The following KIAA1549L variants were observed in gnomAD, a reference collection of about 807,000 sequenced individuals.
The protein encoded by KIAA1549L is KIAA1549 like, also known as UPF0606 protein KIAA1549L.
A neutral mutation model predicts 160.7 loss-of-function variants in KIAA1549L; 88 were observed. That is an observed-to-expected ratio of 0.55 (90% CI 0.46 to 0.65). KIAA1549L has a LOEUF of 0.65. KIAA1549L is among the 30% of genes least tolerant of loss of function. The pLI is 0.00. For synonymous variants in KIAA1549L, 950 were observed against 976.7 expected, an observed-to-expected ratio of 0.97 and a Z score of 0.51; for missense variants, 2,258 against 2,437.5, an observed-to-expected ratio of 0.93 and a Z score of 1.55.
At chr11:33,401,244 G>T (rs1850493491) in intron 1 of KIAA1549L, among the ~76,000 whole-genome samples, 1 of 146,638 alleles carries the variant, frequency 6.8e-6, no homozygotes, top group African/African-American at 2.5e-5. Context: ...TATTAATATA[G>T]TATATATAAA....
At chr11:33,624,814 T>A (rs552902100) in intron 16 of KIAA1549L, among the ~76,000 whole-genome samples, 173 of 151,812 alleles carry the variant, frequency 1.1e-3, no homozygotes, top group African/African-American at 4.0e-3. Flanking sequence ...ATGTGCAGGT[T>A]AGATACATAT....
intron 1 of KIAA1549L, among the ~76,000 whole-genome samples, chr11:33,444,070 G>T (rs148497424): frequency 1.7e-3 from 258 of 152,184 alleles, no homozygotes; most frequent in African/African-American, 5.8e-3. Context: ...GCACTACCTG[G>T]GTTATTGAAC....
chr11:33,578,788 G>C (rs7102647), intron 10 of KIAA1549L, among the ~76,000 whole-genome samples: 57,055 of 152,008 alleles, frequency 0.38, 13,686 homozygotes, highest in African/African-American at 0.69. Context: ...CTTCCTTGGC[G>C]CCTGAGGCAC....
intron 13 of KIAA1549L, among the ~76,000 whole-genome samples, chr11:33,600,800 G>T (rs1379901244): frequency 4.6e-5 from 7 of 152,136 alleles, no homozygotes; most frequent in Non-Finnish European, 8.8e-5. Flanking sequence ...ATTGTTCTAT[G>T]CCCTTTCTCT....
chr11:33,416,175 T>C (rs1850885430), intron 1 of KIAA1549L, among the ~76,000 whole-genome samples: 1 of 152,184 alleles, frequency 6.6e-6, no homozygotes, highest in Admixed American at 6.5e-5. Context: ...CCATGTGATG[T>C]GTCACCGCCT....
intron 1 of KIAA1549L, among the ~76,000 whole-genome samples, chr11:33,490,646 C>A (rs2756282): frequency 0.7 from 106,787 of 152,000 alleles, 38,079 homozygotes; most frequent in African/African-American, 0.83. Context: ...TTCTACATCC[C>A]TATAAATTAA....
rs770141387 is a variant in KIAA1549L at position 33,544,870 on chromosome 11, G to A, written c.2877G>A (p.Lys959=). 3.7e-6 allele frequency: 6 copies of A among 1,613,456 alleles called. No homozygotes were observed. The African/African-American group carries it at 8.0e-5, about 22-fold the overall frequency. Residue 959 remains lysine (K), a synonymous_variant, in exon 3 of 21, where the codon AAG becomes AAA. Transcript: ENST00000658780. ...PPALSAALVA[K]GTSSSPLAVA... ...CACTGTCTGCAGCCCTGGTTGCTAA[G>A]GGCACCAGCAGCAGCCCTTTGGCCG... is the stretch of plus-strand genomic sequence containing the variant.
chr11:33,421,147 A>G (rs1178144823), intron 1 of KIAA1549L, among the ~76,000 whole-genome samples: 1 of 151,980 alleles, frequency 6.6e-6, no homozygotes, highest in Non-Finnish European at 1.5e-5. Context: ...CATCACAGGC[A>G]CAGAAAGCCC....
At chr11:33,479,078 A>G (rs778597003) in intron 1 of KIAA1549L, among the ~76,000 whole-genome samples, 1 of 39,610 alleles carries the variant, frequency 2.5e-5, no homozygotes, top group Non-Finnish European at 4.7e-5. Context: ...ACAGATCTGC[A>G]TATCTTCAGA....
intron 12 of KIAA1549L, among the ~76,000 whole-genome samples, chr11:33,592,518 C>A (rs1391885873): frequency 6.6e-6 from 1 of 152,136 alleles, no homozygotes; most frequent in Non-Finnish European, 1.5e-5. Flanking sequence ...AAAACTACAT[C>A]ATCCATGTCT....
chr11:33,409,668 C>T lies in KIAA1549L; in HGVS notation c.238+32779C>T, dbSNP rs1204102898. On this transcript the variant is annotated intron_variant, in intron 1 of 20. Transcript: ENST00000658780. ...TCATTTATTCTTTTTCTTTGGAAAACACCCTTTTGAATGACTTCATTTGAT... is the reference window on the plus strand; with the variant it reads ...TCATTTATTCTTTTTCTTTGGAAAATACCCTTTTGAATGACTTCATTTGAT... 4.6e-5 allele frequency among the ~76,000 whole-genome samples: 7 copies of T among 152,130 alleles called. No homozygotes were observed. The Middle Eastern group carries it at 0.01, about 222-fold the overall frequency.
At chr11:33,624,777 C>CTT (rs1269234836) in intron 16 of KIAA1549L, among the ~76,000 whole-genome samples, 2 of 139,846 alleles carry the variant, frequency 1.4e-5, no homozygotes, top group Non-Finnish European at 3.1e-5. Flanking sequence ...TATTATTATA[C>CTT]TTTAAGTTTT....
chr11:33,532,163 T>C (rs1245404048), intron 1 of KIAA1549L, among the ~76,000 whole-genome samples: 1 of 152,206 alleles, frequency 6.6e-6, no homozygotes, highest in Non-Finnish European at 1.5e-5. Flanking sequence ...TCTGGTTTCC[T>C]CATTGGTAAA....
chr11:33,405,220 G>C (rs186630390), intron 1 of KIAA1549L, among the ~76,000 whole-genome samples: 1 of 152,192 alleles, frequency 6.6e-6, no homozygotes, highest in Admixed American at 6.5e-5. Flanking sequence ...CAGAAAAGGG[G>C]AGTGAGAAAT....
At chr11:33,551,659 A>G (rs1272770189) in intron 5 of KIAA1549L, among the ~76,000 whole-genome samples, 1 of 152,130 alleles carries the variant, frequency 6.6e-6, no homozygotes, top group East Asian at 1.9e-4. Context: ...GTCTTCGAAT[A>G]TATTTTTTTC....
chr11:33,552,314 G>C, intron 6 of KIAA1549L, 73 bp downstream of exon 6: 1 of 1,499,914 alleles, frequency 6.7e-7, no homozygotes, highest in Non-Finnish European at 9.0e-7. Context: ...GAAATGACTT[G>C]GGTCTTCCCT....
chr11:33,520,366 T>C (rs1270866456), intron 1 of KIAA1549L, among the ~76,000 whole-genome samples: 1 of 152,086 alleles, frequency 6.6e-6, no homozygotes, highest in Non-Finnish European at 1.5e-5. Context: ...ATTGCACATA[T>C]AAGTGAGCTT....
chr11:33,653,403 A>G (rs1289102283), intron 17 of KIAA1549L, among the ~76,000 whole-genome samples: 1 of 152,188 alleles, frequency 6.6e-6, no homozygotes, highest in Non-Finnish European at 1.5e-5. Flanking sequence ...AGTATTGCTG[A>G]CACACTTCTA....
chr11:33,564,959 C>T (rs73490854), intron 8 of KIAA1549L, among the ~76,000 whole-genome samples: 3,944 of 152,260 alleles, frequency 0.026, 155 homozygotes, highest in African/African-American at 0.089. Context: ...AAGAGAACAG[C>T]GATGTGAAGG....
Sources: allele counts gnomAD v4.1 joint callset (sites outside exome capture counted in the v4.1 genomes callset), GRCh38; gene constraint gnomAD v4.1.1; transcripts MANE v1.5; gene names NCBI Gene and HGNC (gene_info 2026-07-23, HGNC 2026-07-21).